The following MIGA2 variants were observed in gnomAD, a reference collection of about 807,000 sequenced individuals.
MIGA2 encodes the protein family with sequence similarity 73, member B.
MIGA2 carries 36 observed loss-of-function variants against 69.9 expected under a neutral mutation model. The ratio of observed to expected loss-of-function variants is 0.52; its 90% CI spans 0.39 to 0.68. MIGA2 has a LOEUF of 0.68. Among genes scored for constraint, MIGA2 ranks in the 30% least tolerant of loss-of-function variants. The pLI, the probability that MIGA2 is intolerant of heterozygous loss-of-function variation, is 0.00. For missense variants in MIGA2, 660 were observed against 787.7 expected, an observed-to-expected ratio of 0.84 and a Z score of 1.94; for synonymous variants, 333 against 349.2, an observed-to-expected ratio of 0.95 and a Z score of 0.52.
At chr9:129,054,585 C>T (rs746827150) in intron 6 of MIGA2, among the ~76,000 whole-genome samples, 3 of 152,220 alleles carry the variant, frequency 2.0e-5, no homozygotes, top group African/African-American at 7.2e-5. Flanking sequence ...TTGCCTATCA[C>T]GGACGTTTCT....
chr9:129,062,176 C>T (rs1158641366), intron 9 of MIGA2, among the ~76,000 whole-genome samples: 1 of 151,538 alleles, frequency 6.6e-6, no homozygotes, highest in Non-Finnish European at 1.5e-5. Flanking sequence ...TGAGCCACCA[C>T]ACCCAGCCTG....
rs1231073197 is a variant in MIGA2, at chr9:129,060,244, C to T, written c.794-306C>T. On this transcript the variant is annotated intron_variant, in intron 7 of 15. Transcript: ENST00000684074. The surrounding 1 kb of genome is among the most constrained non-coding windows in gnomAD (Gnocchi z 4.8). Reference sequence around the variant, plus strand: ...CCTCCCCCTGCAGAGCTTGGGCCTTCAGGCCTCAGGTCCAGCGGTGCAACC... The same window carrying T: ...CCTCCCCCTGCAGAGCTTGGGCCTTTAGGCCTCAGGTCCAGCGGTGCAACC... 6.6e-5 allele frequency among the ~76,000 whole-genome samples: 10 copies of T among 152,192 alleles called. No homozygotes were observed. Among genetic ancestry groups the T allele is most frequent in the Non-Finnish European group, 1.5e-4 (10 of 68,034 alleles).
intron 11 of MIGA2, 24 bp downstream of exon 11, chr9:129,063,655 G>GGGCCC: frequency 4.6e-6 from 3 of 645,742 alleles, no homozygotes; most frequent in Non-Finnish European, 5.8e-6. Flanking sequence ...GGGTGGGGGG[G>GGGCCC]CAAATTATAA....
chr9:129,037,307 A>C (rs1205286143), intron 1 of MIGA2, among the ~76,000 whole-genome samples: 1 of 152,056 alleles, frequency 6.6e-6, no homozygotes, highest in Non-Finnish European at 1.5e-5. Context: ...GGCGCGTAGG[A>C]TGATATGCTT....
In MIGA2 at chr9:129,072,015, G is replaced by A. The variant is rs1230591967; in HGVS notation, c.*1562G>A. The A allele has an allele frequency of 6.5e-6, 1 of 152,694 alleles. No homozygotes were observed. The highest frequency in any genetic ancestry group is 2.4e-5 in the African/African-American group (1 of 41,470). The allele number at this position is 152,694 out of a possible 1,614,324, so 9.5% of individuals were successfully genotyped here. A position where few individuals can be genotyped will look rare whatever the true frequency, so the allele number is the denominator to read the frequency against. Reference sequence around the variant, plus strand: ...TGTAGCAGTCGATTGTCACAGCTTCGACTTTTGGATGGTAGAGTGTGTGCA... The same window carrying A: ...TGTAGCAGTCGATTGTCACAGCTTCAACTTTTGGATGGTAGAGTGTGTGCA... On this transcript the variant is annotated 3_prime_UTR_variant, in exon 16 of 16. Coordinates refer to ENST00000684074, the MANE Select transcript of MIGA2 (RefSeq NM_001329990.2).
intron 9 of MIGA2, among the ~76,000 whole-genome samples, chr9:129,062,504 C>T (rs1446110372): frequency 1.4e-5 from 2 of 146,212 alleles, no homozygotes; most frequent in Admixed American, 6.9e-5. Context: ...TGCACTCTAG[C>T]CTGGGCAACA....
chr9:129,065,612 A>T (rs1221994356), intron 11 of MIGA2, among the ~76,000 whole-genome samples: 2 of 152,086 alleles, frequency 1.3e-5, no homozygotes, highest in East Asian at 3.9e-4. Flanking sequence ...AGCCTCCCAA[A>T]GTGCTGGGAT....
chr9:129,054,305 T>A (rs1446320420), intron 6 of MIGA2, among the ~76,000 whole-genome samples: 1 of 151,700 alleles, frequency 6.6e-6, no homozygotes, highest in Non-Finnish European at 1.5e-5. Context: ...AATTAAAAAG[T>A]TAGTTGGGCA....
Position 129,061,114 on chromosome 9 carries a change from G to T in MIGA2, c.895-117G>T. 1.3e-6 allele frequency: 1 copy of T among 797,010 alleles called. No homozygotes were observed. The allele number at this position is 797,010 out of a possible 1,614,324, so 49.4% of individuals were successfully genotyped here. A position where few individuals can be genotyped will look rare whatever the true frequency, so the allele number is the denominator to read the frequency against. On this transcript the variant is annotated intron_variant, in intron 8 of 15. Coordinates refer to ENST00000684074, the MANE Select transcript of MIGA2 (RefSeq NM_001329990.2). The surrounding 1 kb of genome is among the most constrained non-coding windows in gnomAD (Gnocchi z 5.0). ...CCTCTGACATCCCCTCAGAGACGTTGGCAGTGGGCAGGCACCTGGGGTGGC... is the reference window on the plus strand; with the variant it reads ...CCTCTGACATCCCCTCAGAGACGTTTGCAGTGGGCAGGCACCTGGGGTGGC...
At chr9:129,050,658 G>C (rs1458376932) in intron 6 of MIGA2, among the ~76,000 whole-genome samples, 5 of 144,494 alleles carry the variant, frequency 3.5e-5, no homozygotes, top group Non-Finnish European at 7.5e-5. Flanking sequence ...CGTAACCTCC[G>C]CCTCCTGGGT....
Position 129,060,355 on chromosome 9 carries a change from T to G in MIGA2, c.794-195T>G. On this transcript the variant is annotated intron_variant, in intron 7 of 15. Transcript: ENST00000684074. The surrounding 1 kb of genome is among the most constrained non-coding windows in gnomAD (Gnocchi z 4.8). ...AGGATGTCGTGGGTGTTGAAGGAGG[T>G]CACTCACTGAGGCGAGGAGTCCAGC... 1.9e-6 allele frequency: 1 copy of G among 521,502 alleles called. No individual in the cohort carries two copies. The highest frequency in any genetic ancestry group is 3.4e-6 in the Non-Finnish European group (1 of 290,776). The allele number at this position is 521,502 out of a possible 1,614,324, so 32.3% of individuals were successfully genotyped here. A position where few individuals can be genotyped will look rare whatever the true frequency, so the allele number is the denominator to read the frequency against.
chr9:129,045,038 A>C (rs1377969747), intron 3 of MIGA2, among the ~76,000 whole-genome samples: 1 of 151,812 alleles, frequency 6.6e-6, no homozygotes, highest in Non-Finnish European at 1.5e-5. Context: ...TCTCTACTAA[A>C]AATACAAAAA....
intron 9 of MIGA2, 88 bp from the exon 10 acceptor site, chr9:129,063,156 C>G: frequency 7.3e-7 from 1 of 1,375,114 alleles, no homozygotes; most frequent in Non-Finnish European, 1.0e-6. Context: ...GCCAGAGCCT[C>G]CCCCCTCCCC....
chr9:129,055,329 C>T (rs1000885069), intron 6 of MIGA2, among the ~76,000 whole-genome samples: 3 of 152,098 alleles, frequency 2.0e-5, no homozygotes, highest in Middle Eastern at 3.4e-3. Flanking sequence ...CCACCTGCCT[C>T]GGCCTCCCAA....
At chr9:129,041,952 G>A (rs1395131268) in intron 2 of MIGA2, among the ~76,000 whole-genome samples, 2 of 152,166 alleles carry the variant, frequency 1.3e-5, no homozygotes, top group Non-Finnish European at 2.9e-5. Flanking sequence ...CAGGTTCCTC[G>A]TCTGGAAATG....
At chr9:129,065,423 GCAAT>G (rs1158081838) in intron 11 of MIGA2, among the ~76,000 whole-genome samples, 1 of 151,686 alleles carries the variant, frequency 6.6e-6, no homozygotes. Context: ...TCGACCCACT[GCAAT>G]CTCTGCCTCC....
intron 3 of MIGA2, among the ~76,000 whole-genome samples, chr9:129,045,252 G>A (rs963257348): frequency 6.6e-6 from 1 of 151,430 alleles, no homozygotes; most frequent in African/African-American, 2.4e-5. Context: ...GACCAGCCTG[G>A]CCAACATGGT....
At chr9:129,056,011 C>T (rs563133320) in intron 6 of MIGA2, among the ~76,000 whole-genome samples, 6 of 150,818 alleles carry the variant, frequency 4.0e-5, no homozygotes, top group South Asian at 4.2e-4. Context: ...ATTTGCCGAG[C>T]GTGGTGGTGG....
At chr9:129,038,559 A>G (rs1233248183) in intron 1 of MIGA2, among the ~76,000 whole-genome samples, 1 of 152,122 alleles carries the variant, frequency 6.6e-6, no homozygotes, top group East Asian at 1.9e-4. Context: ...TCCAGGGGAA[A>G]GCTGCCCAGT....
Sources: allele counts gnomAD v4.1 joint callset (sites outside exome capture counted in the v4.1 genomes callset), GRCh38; gene constraint gnomAD v4.1.1; non-coding constraint Gnocchi (gnomAD v3.1); transcripts MANE v1.5; gene names NCBI Gene and HGNC (gene_info 2026-07-23, HGNC 2026-07-21).